Variants in KLF13 observed in about 807,000 individuals in gnomAD.
KLF13 encodes Krueppel-like factor 13.
A neutral mutation model predicts 16.7 loss-of-function variants in KLF13; 8 were observed. The observed-to-expected ratio is 0.48, with a 90% confidence interval of 0.28 to 0.87. The LOEUF (loss-of-function observed/expected upper bound fraction) is 0.87, where lower values mean the gene tolerates loss of function less well. Among genes scored for constraint, KLF13 ranks in the 40% least tolerant of loss-of-function variants. KLF13 has a pLI of 0.10. For missense variants in KLF13, 447 were observed against 452.2 expected (o/e 0.99, Z 0.10); for synonymous variants, 245 against 208.4 (o/e 1.18, Z -1.51).
At chr15:31,393,294 T>G (rs1156391683) in intron 1 of KLF13, 5 of 152,418 alleles carry the variant, frequency 3.3e-5, no homozygotes, top group African/African-American at 1.2e-4. Context: ...CCTTTGCATT[T>G]CCCGGTCCAG....
upstream of KLF13, among the ~76,000 whole-genome samples, chr15:31,391,789 T>G (rs2039874695): frequency 6.6e-6 from 1 of 150,772 alleles, no homozygotes; most frequent in African/African-American, 2.4e-5. Context: ...CCTCGAGGAG[T>G]CCGCGGAGTT....
At chr15:31,414,857 A>G (rs1034547315) in intron 1 of KLF13, among the ~76,000 whole-genome samples, 3 of 152,126 alleles carry the variant, frequency 2.0e-5, no homozygotes, top group Non-Finnish European at 1.5e-5. Context: ...CTAACAGACA[A>G]CTATAGAACA....
intron 2 of KLF13, among the ~76,000 whole-genome samples, chr15:31,401,583 G>A (rs1405145665): frequency 6.6e-6 from 1 of 152,216 alleles, no homozygotes; most frequent in Non-Finnish European, 1.5e-5. Flanking sequence ...AGCATTGAGT[G>A]GGGGCCACCT....
downstream of KLF13, among the ~76,000 whole-genome samples, chr15:31,406,383 A>G (rs1343676649): frequency 6.6e-6 from 1 of 152,216 alleles, no homozygotes. Flanking sequence ...AGGCTGAGGC[A>G]GGAGAATCGC....
At position 31,327,372 on chromosome 15, in the gene KLF13, G is replaced by A; in HGVS notation, c.160G>A (p.Asp54Asn). ...GCTGCCCCGCGTCGAGGAGCGCCGC[G>A]ACGGTAAGGACAGCGCCTCGCTCTT... ...PTLPRVEERR[D>N]GKDSASLFVV... Residue 54 changes from aspartate (D) to asparagine (N), a missense_variant, in exon 1 of 2, where the codon GAC (aspartate) becomes AAC (asparagine). Asp to Asn is a conservative substitution (Grantham distance 23, BLOSUM62 1). This residue lies in a region of KLF13 where 359 missense variants were observed against 282.8 expected (regional missense o/e 1.27). Coordinates refer to ENST00000307145, the MANE Select transcript of KLF13 (RefSeq NM_015995.4). 7.8e-7 allele frequency: 1 copy of A among 1,285,884 alleles called. No homozygotes were observed. The highest frequency in any genetic ancestry group is 9.8e-7 in the Non-Finnish European group (1 of 1,016,968). 79.7% of individuals were successfully genotyped at this position (1,285,884 alleles called of 1,614,324 possible).
chr15:31,427,275 T>C (rs1443567318), intron 1 of KLF13, among the ~76,000 whole-genome samples: 2 of 151,614 alleles, frequency 1.3e-5, no homozygotes, highest in Admixed American at 1.3e-4. Flanking sequence ...AAAATGCAAA[T>C]GAAAACCACA....
chr15:31,406,241 C>T (rs1566840616), downstream of KLF13, among the ~76,000 whole-genome samples: 1 of 152,086 alleles, frequency 6.6e-6, no homozygotes, highest in Non-Finnish European at 1.5e-5. Flanking sequence ...CTTTGGGAGG[C>T]CAAGGCAGGC....
At chr15:31,332,386 G>A (rs1373769474) in intron 1 of KLF13, among the ~76,000 whole-genome samples, 2 of 152,210 alleles carry the variant, frequency 1.3e-5, no homozygotes, top group Admixed American at 1.3e-4. Context: ...ACTCCCGCAC[G>A]CCTGGTGGCT....
intron 1 of KLF13, among the ~76,000 whole-genome samples, chr15:31,346,510 C>T (rs937549795): frequency 4.6e-5 from 7 of 152,204 alleles, no homozygotes; most frequent in African/African-American, 1.7e-4. Context: ...GGAGCTCCTC[C>T]CCGGGTTCTC....
At position 31,327,302 on chromosome 15, in the gene KLF13, G is replaced by A; in HGVS notation, c.90G>A (p.Gly30=). ...SRAVVHGPRE[G]PESRPEGAAV... is the part of the protein sequence containing the mutation. Reference sequence around the variant, plus strand: ...CGGTCGTGCACGGGCCGCGGGAGGGGCCGGAGTCCCGGCCCGAGGGCGCGG... The same window carrying A: ...CGGTCGTGCACGGGCCGCGGGAGGGACCGGAGTCCCGGCCCGAGGGCGCGG... Residue 30 remains glycine (G), a synonymous_variant, in exon 1 of 2, where the codon GGG becomes GGA. Coordinates refer to ENST00000307145, the MANE Select transcript of KLF13 (RefSeq NM_015995.4). 1 of 1,303,728 alleles carries A rather than the reference G, an allele frequency of 7.7e-7. No individual in the cohort carries two copies. Among genetic ancestry groups the A allele is most frequent in the South Asian group, 2.0e-5 (1 of 48,998 alleles). 80.8% of individuals were successfully genotyped at this position (1,303,728 alleles called of 1,614,324 possible). A position where few individuals can be genotyped will look rare whatever the true frequency, so the allele number is the denominator to read the frequency against.
chr15:31,409,537 A>G (rs2040166587), downstream of KLF13, among the ~76,000 whole-genome samples: 1 of 151,998 alleles, frequency 6.6e-6, no homozygotes, highest in African/African-American at 2.4e-5. Flanking sequence ...AAGAAAAGGG[A>G]GGAAGAAGGA....
intron 1 of KLF13, among the ~76,000 whole-genome samples, chr15:31,384,550 C>T (rs1376323310): frequency 6.6e-6 from 1 of 152,166 alleles, no homozygotes; most frequent in Non-Finnish European, 1.5e-5. Context: ...CAAAACTACT[C>T]AGGTATCACT....
At chr15:31,416,401 T>C (rs1343360820) in intron 1 of KLF13, among the ~76,000 whole-genome samples, 1 of 151,958 alleles carries the variant, frequency 6.6e-6, no homozygotes, top group African/African-American at 2.4e-5. Flanking sequence ...CTAAACAAAA[T>C]AATAGCAAAC....
At chr15:31,333,955 G>A (rs56323816) in intron 1 of KLF13, among the ~76,000 whole-genome samples, 17 of 152,164 alleles carry the variant, frequency 1.1e-4, no homozygotes, top group South Asian at 2.1e-4. Context: ...CGCCTCATGG[G>A]GGGGGGAGGG....
intron 1 of KLF13, among the ~76,000 whole-genome samples, chr15:31,393,407 C>T (rs1047941297): frequency 3.3e-5 from 5 of 150,730 alleles, no homozygotes; most frequent in East Asian, 4.0e-4. Flanking sequence ...GTACCTACCC[C>T]GTCACCCCCG....
chr15:31,363,488 A>AGATT (rs1047597350), intron 1 of KLF13, among the ~76,000 whole-genome samples: 2 of 152,152 alleles, frequency 1.3e-5, no homozygotes, highest in Admixed American at 6.5e-5. Context: ...GCAGTCAAAT[A>AGATT]GATTGATTGA....
intron 1 of KLF13, among the ~76,000 whole-genome samples, chr15:31,426,644 ATGACT>A (rs2040404802): frequency 1.3e-5 from 2 of 152,336 alleles, no homozygotes; most frequent in African/African-American, 4.8e-5. Flanking sequence ...AAATGGACAA[ATGACT>A]TGAGCAGACA....
chr15:31,349,689 G>C lies in KLF13; in HGVS notation c.577+21900G>C, dbSNP rs2039185413. Among the ~76,000 whole-genome samples the C allele has an allele frequency of 2.6e-5, 4 of 152,212 alleles. No homozygotes were observed. The South Asian group carries it at 8.3e-4, about 31-fold the overall frequency. On this transcript the variant is annotated intron_variant, in intron 1 of 1. Coordinates refer to ENST00000307145, the MANE Select transcript of KLF13 (RefSeq NM_015995.4). ...GGAGAAGTCCTCCGGGCCCATGTGA[G>C]GCGAGTATGGGCCAAGCCTGTGCCC...
Position 31,327,606 on chromosome 15 carries a change from G to A in KLF13, c.394G>A (p.Glu132Lys), listed in dbSNP as rs2038738746. Residue 132 changes from glutamate (E) to lysine (K), a missense_variant, in exon 1 of 2, where the codon GAG (glutamate) becomes AAG (lysine). Coordinates refer to ENST00000307145, the MANE Select transcript of KLF13 (RefSeq NM_015995.4). ...WSEPEPEAGL[E>K]PEREPGPAGS... ...CGAGCCGGAGCCCGAGGCGGGGCTG[G>A]AGCCCGAGCGGGAGCCGGGGCCCGC... is the stretch of plus-strand genomic sequence containing the variant. The A allele has an allele frequency of 1.5e-6, 2 of 1,307,232 alleles. No individual in the cohort carries two copies. Among genetic ancestry groups the A allele is most frequent in the East Asian group, 3.4e-5 (1 of 29,618 alleles). 81.0% of individuals were successfully genotyped at this position (1,307,232 alleles called of 1,614,324 possible). A position where few individuals can be genotyped will look rare whatever the true frequency, so the allele number is the denominator to read the frequency against.
Sources: gnomAD v4.1 joint callset for allele counts (sites outside exome capture counted in the v4.1 genomes callset) on GRCh38, gnomAD v4.1.1 for gene constraint, gnomAD v4.1.1 regional missense constraint, MANE v1.5 for transcripts, NCBI Gene and HGNC (gene_info 2026-07-23, HGNC 2026-07-21) for gene names.